TGFA: variants seen among roughly 807,000 people sequenced by gnomAD.
The protein encoded by TGFA is protransforming growth factor alpha.
A neutral mutation model predicts 21.7 loss-of-function variants in TGFA; 12 were observed. The observed-to-expected ratio is 0.55, with a 90% CI of 0.35 to 0.90. The LOEUF is 0.90. TGFA is among the 40% of genes least tolerant of loss of function. The pLI is 0.01. For synonymous variants in TGFA, 79 were observed against 88.1 expected, an observed-to-expected ratio of 0.90 and a Z score of 0.58; for missense variants, 178 against 210.8, an observed-to-expected ratio of 0.84 and a Z score of 0.96.
At chr2:70,553,325 C>G (rs564039531) in intron 1 of TGFA, 1 of 1,501,614 alleles carries the variant, frequency 6.7e-7, no homozygotes, top group East Asian at 2.5e-5. Context: ...TAGACGCCGG[C>G]CCCCGTTCCG....
At chr2:70,538,028 A>C (rs981035346) in intron 1 of TGFA, among the ~76,000 whole-genome samples, 4 of 152,178 alleles carry the variant, frequency 2.6e-5, no homozygotes, top group Non-Finnish European at 5.9e-5. Flanking sequence ...GCCAATGTTC[A>C]TTTACCATTC....
chr2:70,524,640 A>C (rs1672580532), intron 1 of TGFA, among the ~76,000 whole-genome samples: 2 of 152,232 alleles, frequency 1.3e-5, no homozygotes, highest in South Asian at 4.1e-4. Context: ...TGGCACTGTG[A>C]CACGAGGCCT....
intron 1 of TGFA, among the ~76,000 whole-genome samples, chr2:70,546,028 T>C (rs1673291839): frequency 6.6e-6 from 1 of 152,196 alleles, no homozygotes; most frequent in Admixed American, 6.5e-5. Flanking sequence ...GCTGAGATCA[T>C]TTTTCTCCAA....
At chr2:70,537,181 C>A (rs1672998453) in intron 1 of TGFA, among the ~76,000 whole-genome samples, 1 of 151,978 alleles carries the variant, frequency 6.6e-6, no homozygotes, top group African/African-American at 2.4e-5. Context: ...TGCCATGAAC[C>A]ACACCCGTAG....
At chr2:70,544,096 TATG>T (rs1673217850) in intron 1 of TGFA, among the ~76,000 whole-genome samples, 1 of 152,094 alleles carries the variant, frequency 6.6e-6, no homozygotes. Flanking sequence ...TTTAGTAAAT[TATG>T]ATGAGAAACA....
At chr2:70,542,189 T>A (rs1274533613) in intron 1 of TGFA, among the ~76,000 whole-genome samples, 2 of 152,154 alleles carry the variant, frequency 1.3e-5, no homozygotes, top group Non-Finnish European at 2.9e-5. Context: ...TGTTAGTTGC[T>A]AAGAACTGGG....
In TGFA at chr2:70,469,544, C is replaced by T. The variant is rs531406910; in HGVS notation, c.95-3808G>A. On this transcript the variant is annotated intron_variant, in intron 2 of 5. Transcript: ENST00000295400. ...GAGAGACAGAGTGTCACCACATTGCCCAGGCTGGCCTCGAACTCCTGGGCT... is the reference window on the plus strand; with the variant it reads ...GAGAGACAGAGTGTCACCACATTGCTCAGGCTGGCCTCGAACTCCTGGGCT... 2.0e-5 allele frequency among the ~76,000 whole-genome samples: 3 copies of T among 152,174 alleles called. No homozygotes were observed. In the South Asian group the frequency reaches 6.2e-4, roughly 32 times the overall value.
chr2:70,535,195 C>T (rs1672935962), intron 1 of TGFA, among the ~76,000 whole-genome samples: 1 of 145,040 alleles, frequency 6.9e-6, no homozygotes, highest in Non-Finnish European at 1.5e-5. Flanking sequence ...GCACCCTTGC[C>T]CTGTCATACC....
chr2:70,523,352 TC>T (rs1672535185), intron 1 of TGFA, among the ~76,000 whole-genome samples: 1 of 152,126 alleles, frequency 6.6e-6, no homozygotes, highest in African/African-American at 2.4e-5. Flanking sequence ...CCAGGGCTCT[TC>T]AAGCAAAGGC....
At chr2:70,520,333 T>C (rs1240171865) in intron 1 of TGFA, among the ~76,000 whole-genome samples, 1 of 151,962 alleles carries the variant, frequency 6.6e-6, no homozygotes, top group Non-Finnish European at 1.5e-5. Context: ...TAGTCAAAAT[T>C]GTGAAACCCG....
At chr2:70,545,501 G>T (rs1441307311) in intron 1 of TGFA, among the ~76,000 whole-genome samples, 2 of 152,146 alleles carry the variant, frequency 1.3e-5, no homozygotes, top group East Asian at 3.9e-4. Flanking sequence ...AACCACAGGG[G>T]GAAGGGTAGA....
chr2:70,548,990 T>C (rs1404195246), intron 1 of TGFA, among the ~76,000 whole-genome samples: 1 of 152,186 alleles, frequency 6.6e-6, no homozygotes, highest in Admixed American at 6.5e-5. Flanking sequence ...CTCCCAATCT[T>C]CCTCTATCTA....
At chr2:70,550,624 TC>T (rs1673468133) in intron 1 of TGFA, among the ~76,000 whole-genome samples, 1 of 151,946 alleles carries the variant, frequency 6.6e-6, no homozygotes, top group African/African-American at 2.4e-5. Flanking sequence ...ATGCAGACCA[TC>T]CTGGCTAACA....
chr2:70,534,702 T>TAA lies in TGFA; in HGVS notation c.40+19025_40+19026insTT, dbSNP rs552330234. 1.7e-3 allele frequency among the ~76,000 whole-genome samples: 227 copies of TAA among 134,490 alleles called. 1 individual carries two copies. Among genetic ancestry groups the TAA allele is most frequent in the African/African-American group, 7.1e-3 (215 of 30,418 alleles). The allele number at this position is 134,490 out of a possible 152,430, so 88.2% of individuals were successfully genotyped here. On this transcript the variant is annotated intron_variant, in intron 1 of 5. Transcript: ENST00000295400. Reference sequence around the variant, plus strand: ...AAACCACTCTACCATACTTGTTTTTTTATATTTCCTAGCACTGGGAAGGGC... The same window carrying TAA: ...AAACCACTCTACCATACTTGTTTTTTAATATATTTCCTAGCACTGGGAAGGGC...
chr2:70,530,032 CCTT>C (rs1672769168), intron 1 of TGFA, among the ~76,000 whole-genome samples: 1 of 152,220 alleles, frequency 6.6e-6, no homozygotes, highest in African/African-American at 2.4e-5. Flanking sequence ...CCTGCCTTCT[CCTT>C]CTACTTCCTA....
At chr2:70,531,094 G>T (rs1336674975) in intron 1 of TGFA, among the ~76,000 whole-genome samples, 1 of 152,198 alleles carries the variant, frequency 6.6e-6, no homozygotes, top group Non-Finnish European at 1.5e-5. Flanking sequence ...CCAGGGAAAG[G>T]AGTCCTCCCC....
At chr2:70,473,559 G>T (rs1033538868) in intron 2 of TGFA, among the ~76,000 whole-genome samples, 3 of 151,896 alleles carry the variant, frequency 2.0e-5, no homozygotes, top group Non-Finnish European at 4.4e-5. Flanking sequence ...GAACAAGAGG[G>T]TTTTCAAATG....
intron 3 of TGFA, among the ~76,000 whole-genome samples, chr2:70,459,449 G>T (rs1279695040): frequency 6.6e-6 from 1 of 152,150 alleles, no homozygotes; most frequent in Non-Finnish European, 1.5e-5. Flanking sequence ...ACCCAGTAAG[G>T]CTACCTTTCT....
At chr2:70,529,596 C>CCCA (rs782795030) in intron 1 of TGFA, among the ~76,000 whole-genome samples, 2 of 136,144 alleles carry the variant, frequency 1.5e-5, no homozygotes, top group Non-Finnish European at 3.0e-5. Flanking sequence ...AATCCCCCCG[C>CCCA]CCCAGTCCTA....
Sources: gnomAD v4.1 joint callset for allele counts (sites outside exome capture counted in the v4.1 genomes callset) on GRCh38, gnomAD v4.1.1 for gene constraint, MANE v1.5 for transcripts, NCBI Gene and HGNC (gene_info 2026-07-23, HGNC 2026-07-21) for gene names.